Variants in SLC2A13 observed in about 807,000 individuals in gnomAD.
SLC2A13 encodes solute carrier family 2 member 13.
Under a neutral mutation model 64.4 loss-of-function variants are expected in SLC2A13, and 32 were observed. The ratio of observed to expected loss-of-function variants is 0.50; its 90% CI spans 0.37 to 0.67. The LOEUF (loss-of-function observed/expected upper bound fraction) is 0.67. Among genes scored for constraint, SLC2A13 ranks in the 30% least tolerant of loss-of-function variants. SLC2A13 has a pLI of 0.00. For synonymous variants in SLC2A13, 338 were observed against 327.1 expected (o/e 1.03, Z -0.36); for missense variants, 743 against 829.2 (o/e 0.90, Z 1.28).
At chr12:39,867,024 T>C (rs1385256844) in intron 5 of SLC2A13, among the ~76,000 whole-genome samples, 2 of 152,188 alleles carry the variant, frequency 1.3e-5, no homozygotes, top group Non-Finnish European at 2.9e-5. Flanking sequence ...TTTGAGCCAT[T>C]ACTTTTCTCA....
At chr12:39,998,939 A>G (rs1327997793) in intron 3 of SLC2A13, among the ~76,000 whole-genome samples, 1 of 152,176 alleles carries the variant, frequency 6.6e-6, no homozygotes, top group Non-Finnish European at 1.5e-5. Context: ...GGTCTTTCCC[A>G]TGCTGTTCTC....
chr12:39,784,069 T>C (rs544312148), intron 7 of SLC2A13, among the ~76,000 whole-genome samples: 4 of 152,128 alleles, frequency 2.6e-5, no homozygotes, highest in Non-Finnish European at 1.5e-5. Context: ...CTCAACGAAA[T>C]AAAAGAGGAC....
chr12:39,827,006 A>ATT lies in SLC2A13; in HGVS notation c.1445+3096_1445+3097insAA, dbSNP rs1942708128. Among the ~76,000 whole-genome samples, 7 of 150,600 alleles carry ATT rather than the reference A, an allele frequency of 4.6e-5. No individual in the cohort carries two copies. The South Asian group carries it at 8.5e-4, about 18-fold the overall frequency. The stretch of plus-strand genomic sequence containing the variant: ...TGGTTTTACCATTACTTTTAATGGC[A>ATT]AAAAGTAATGGTAAAACCGCAGTTA... On this transcript the variant is annotated intron_variant, in intron 7 of 9. Coordinates refer to ENST00000280871, the MANE Select transcript of SLC2A13 (RefSeq NM_052885.4).
At chr12:39,988,691 G>GAGGAAGGAAGGAAGGAAGGA (rs539712670) in intron 3 of SLC2A13, among the ~76,000 whole-genome samples, 12 of 79,958 alleles carry the variant, frequency 1.5e-4, no homozygotes, top group Non-Finnish European at 9.9e-5. Context: ...GGGAGGGAGG[G>GAGGAAGGAAGGAAGGAAGGA]AGGAAGGAAG....
intron 6 of SLC2A13, among the ~76,000 whole-genome samples, chr12:39,849,949 T>A (rs1256078045): frequency 6.6e-6 from 1 of 152,202 alleles, no homozygotes; most frequent in Non-Finnish European, 1.5e-5. Context: ...TTAGTGTATA[T>A]AATTTTACTT....
intron 6 of SLC2A13, among the ~76,000 whole-genome samples, chr12:39,858,691 C>T (rs1170159450): frequency 6.6e-6 from 1 of 152,172 alleles, no homozygotes; most frequent in Non-Finnish European, 1.5e-5. Flanking sequence ...ACTGCAACCT[C>T]CGCCTCCCAG....
At chr12:39,896,329 T>TATATATGTATAC (rs1944870068) in intron 4 of SLC2A13, among the ~76,000 whole-genome samples, 27 of 142,418 alleles carry the variant, frequency 1.9e-4, no homozygotes, top group African/African-American at 7.0e-4. Context: ...TGTATATGTG[T>TATATATGTATAC]ATATATGTAT....
intron 3 of SLC2A13, among the ~76,000 whole-genome samples, chr12:39,992,159 A>T (rs1947148441): frequency 6.6e-6 from 1 of 152,084 alleles, no homozygotes; most frequent in Admixed American, 6.6e-5. Context: ...AGGTGCCTTC[A>T]TTTGCCCTGA....
chr12:40,017,084 G>T (rs1379409709), intron 3 of SLC2A13, among the ~76,000 whole-genome samples: 2 of 152,042 alleles, frequency 1.3e-5, no homozygotes, highest in African/African-American at 4.8e-5. Context: ...GAGGGAAGGA[G>T]TCTACACACT....
intron 1 of SLC2A13, among the ~76,000 whole-genome samples, chr12:40,055,455 C>T (rs1477298471): frequency 2.0e-5 from 3 of 152,156 alleles, no homozygotes; most frequent in Admixed American, 1.3e-4. Flanking sequence ...CCAGTAGAGC[C>T]TGTATCACGT....
At chr12:39,844,318 C>G (rs1285758214) in intron 6 of SLC2A13, among the ~76,000 whole-genome samples, 1 of 151,964 alleles carries the variant, frequency 6.6e-6, no homozygotes, top group African/African-American at 2.4e-5. Flanking sequence ...GTCATAGTAA[C>G]AGCTATGGAG....
chr12:39,841,703 A>G (rs1943183940), intron 6 of SLC2A13, among the ~76,000 whole-genome samples: 1 of 152,086 alleles, frequency 6.6e-6, no homozygotes, highest in Non-Finnish European at 1.5e-5. Context: ...ACATACAAAT[A>G]TAATCTAATT....
At chr12:40,041,252 C>T (rs1030337394) in intron 2 of SLC2A13, among the ~76,000 whole-genome samples, 4 of 152,108 alleles carry the variant, frequency 2.6e-5, no homozygotes, top group African/African-American at 7.2e-5. Flanking sequence ...CATCCACACC[C>T]ACCAAAGGCC....
At chr12:40,054,720 T>C (rs562571683) in intron 1 of SLC2A13, among the ~76,000 whole-genome samples, 22 of 152,326 alleles carry the variant, frequency 1.4e-4, no homozygotes, top group Admixed American at 3.3e-4. Flanking sequence ...AGTGCAGAAG[T>C]TGGCTTTCAA....
At chr12:39,842,380 GACTTCAAATCAGAT>G (rs1943199768) in intron 6 of SLC2A13, among the ~76,000 whole-genome samples, 3 of 152,028 alleles carry the variant, frequency 2.0e-5, no homozygotes. Flanking sequence ...AAGGTTCTCT[GACTTCAAATCAGAT>G]ATTTTTTCTA....
intron 7 of SLC2A13, among the ~76,000 whole-genome samples, chr12:39,803,926 A>G (rs951056375): frequency 6.6e-6 from 1 of 152,188 alleles, no homozygotes; most frequent in African/African-American, 2.4e-5. Context: ...CACCTCTATC[A>G]AGATACATCA....
At chr12:39,877,301 G>A (rs75061403) in intron 4 of SLC2A13, among the ~76,000 whole-genome samples, 2,670 of 152,200 alleles carry the variant, frequency 0.018, 80 homozygotes, top group African/African-American at 0.06. Context: ...TGTCTTACAC[G>A]GTGGCAGGCA....
chr12:40,014,485 T>C (rs1382738765), intron 3 of SLC2A13, among the ~76,000 whole-genome samples: 2 of 152,168 alleles, frequency 1.3e-5, no homozygotes, highest in Non-Finnish European at 2.9e-5. Context: ...TTATAAAAGA[T>C]ATTCATTTTT....
chr12:39,795,636 A>C (rs1941548267), intron 7 of SLC2A13, among the ~76,000 whole-genome samples: 1 of 152,120 alleles, frequency 6.6e-6, no homozygotes, highest in Admixed American at 6.6e-5. Context: ...ATTTCCAGAG[A>C]AGATTTACAT....
Sources: gnomAD v4.1 joint callset for allele counts (sites outside exome capture counted in the v4.1 genomes callset) on GRCh38, gnomAD v4.1.1 for gene constraint, MANE v1.5 for transcripts, NCBI Gene and HGNC (gene_info 2026-07-23, HGNC 2026-07-21) for gene names.